The following BIRC6 variants were observed in gnomAD, a reference collection of about 807,000 sequenced individuals.
BIRC6 encodes the protein dual E2 ubiquitin-conjugating enzyme/E3 ubiquitin-protein ligase BIRC6.
BIRC6 carries 98 observed loss-of-function variants against 503.3 expected under a neutral mutation model. The ratio of observed to expected loss-of-function variants is 0.19; its 90% CI spans 0.17 to 0.23. The LOEUF (loss-of-function observed/expected upper bound fraction) is 0.23. Among genes scored for constraint, BIRC6 ranks in the 10% least tolerant of loss-of-function variants. The pLI, the probability that BIRC6 is intolerant of heterozygous loss-of-function variation, is 1.00. For missense variants in BIRC6, 5,360 were observed against 5,806.0 expected (o/e 0.92, Z 2.50); for synonymous variants, 2,240 against 2,078.7 (o/e 1.08, Z -2.11).
intron 57 of BIRC6, chr2:32,522,201 G>C (rs961135943): frequency 6.6e-6 from 1 of 151,750 alleles, no homozygotes; most frequent in East Asian, 1.9e-4. Context: ...GAACATAGTA[G>C]TCTGTTTGTA....
At chr2:32,455,606 G>T (rs1417497703) in intron 23 of BIRC6, among the ~76,000 whole-genome samples, 3 of 152,148 alleles carry the variant, frequency 2.0e-5, no homozygotes, top group Admixed American at 1.3e-4. Context: ...TAGCCTGGGT[G>T]ACAGAGTGAG....
intron 1 of BIRC6, among the ~76,000 whole-genome samples, chr2:32,375,071 ATATG>A (rs1174210443): frequency 6.6e-6 from 1 of 152,158 alleles, no homozygotes; most frequent in Non-Finnish European, 1.5e-5. Context: ...CCTTTTGTGT[ATATG>A]TATGTCTAAG....
At chr2:32,375,695 G>A (rs1049205353) in intron 1 of BIRC6, among the ~76,000 whole-genome samples, 6 of 150,902 alleles carry the variant, frequency 4.0e-5, no homozygotes, top group African/African-American at 2.4e-5. Context: ...TACATTTACC[G>A]TATTGATAAG....
At chr2:32,424,133 CTGTT>C (rs772976775) in intron 10 of BIRC6, among the ~76,000 whole-genome samples, 1 of 152,024 alleles carries the variant, frequency 6.6e-6, no homozygotes, top group Admixed American at 6.5e-5. Flanking sequence ...AACAAATCTT[CTGTT>C]TGTGAAATTG....
At chr2:32,608,006 T>G (rs1474038978) in intron 72 of BIRC6, among the ~76,000 whole-genome samples, 1 of 146,280 alleles carries the variant, frequency 6.8e-6, no homozygotes. Context: ...AAAAAGACAT[T>G]TTAAAATATA....
chr2:32,390,907 T>C (rs796673476), intron 4 of BIRC6, among the ~76,000 whole-genome samples: 6 of 152,350 alleles, frequency 3.9e-5, no homozygotes, highest in African/African-American at 1.4e-4. Context: ...TTGGGCAGAA[T>C]TTTTATATTC....
At chr2:32,469,660 T>C in intron 30 of BIRC6, 46 bp downstream of exon 30, 1 of 1,459,272 alleles carries the variant, frequency 6.9e-7, no homozygotes, top group Non-Finnish European at 9.4e-7. Flanking sequence ...TGATGTGTAC[T>C]TTTCACAGTT....
intron 5 of BIRC6, among the ~76,000 whole-genome samples, chr2:32,392,644 A>G (rs576925176): frequency 2.6e-4 from 39 of 152,134 alleles, no homozygotes; most frequent in Admixed American, 9.8e-4. Flanking sequence ...TGTCTTTGAG[A>G]CAGGGTCTCA....
chr2:32,612,843 C>T (rs1408929056), intron 73 of BIRC6, among the ~76,000 whole-genome samples: 1 of 152,166 alleles, frequency 6.6e-6, no homozygotes, highest in East Asian at 1.9e-4. Context: ...AAAACACTTG[C>T]AGAAAATTTC....
At chr2:32,358,344 G>T (rs1206885945) in intron 1 of BIRC6, among the ~76,000 whole-genome samples, 2 of 152,214 alleles carry the variant, frequency 1.3e-5, no homozygotes, top group Non-Finnish European at 2.9e-5. Context: ...CTTCTGGGTG[G>T]CGTAAACCTT....
intron 55 of BIRC6, 91 bp downstream of exon 55, chr2:32,515,861 G>A: frequency 8.3e-7 from 1 of 1,205,648 alleles, no homozygotes; most frequent in Non-Finnish European, 1.1e-6. Context: ...TTTAGTGAGG[G>A]TTGAGTGCCT....
chr2:32,488,039 G>A (rs1455812691), intron 41 of BIRC6, among the ~76,000 whole-genome samples: 1 of 198 alleles, frequency 5.1e-3, no homozygotes, highest in Non-Finnish European at 9.3e-3. Context: ...CATACACACA[G>A]CTGTGATTAG....
intron 32 of BIRC6, 104 bp downstream of exon 32, chr2:32,471,228 T>A: frequency 7.1e-7 from 1 of 1,411,488 alleles, no homozygotes; most frequent in Non-Finnish European, 9.6e-7. Flanking sequence ...GCTATTGGCC[T>A]GGAGCTACCA....
intron 40 of BIRC6, among the ~76,000 whole-genome samples, chr2:32,487,335 C>A (rs2051118988): frequency 6.6e-6 from 1 of 152,108 alleles, no homozygotes; most frequent in Non-Finnish European, 1.5e-5. Flanking sequence ...AGTCTTATTT[C>A]TTTCCCTTTA....
chr2:32,362,181 G>A (rs1218102868), intron 1 of BIRC6, among the ~76,000 whole-genome samples: 3 of 152,158 alleles, frequency 2.0e-5, no homozygotes, highest in East Asian at 1.9e-4. Flanking sequence ...CAGCATTTGG[G>A]GGTTTTATAT....
intron 1 of BIRC6, among the ~76,000 whole-genome samples, chr2:32,358,321 T>C (rs969103538): frequency 1.3e-5 from 2 of 152,100 alleles, no homozygotes; most frequent in African/African-American, 2.4e-5. Flanking sequence ...AGTCTCACCA[T>C]TGGAGGAGAG....
intron 57 of BIRC6, chr2:32,523,579 T>G (rs2055961316): frequency 6.6e-6 from 1 of 152,220 alleles, no homozygotes; most frequent in South Asian, 2.1e-4. Flanking sequence ...ATTTTTTACT[T>G]CACAAAACTG....
At chr2:32,533,724 C>G (rs934421344) in intron 61 of BIRC6, among the ~76,000 whole-genome samples, 11 of 152,130 alleles carry the variant, frequency 7.2e-5, no homozygotes, top group African/African-American at 2.7e-4. Flanking sequence ...ATGGAAGCAT[C>G]CAAGAGCCAT....
chr2:32,430,292 A>C (rs2043953094), intron 11 of BIRC6, among the ~76,000 whole-genome samples: 1 of 152,182 alleles, frequency 6.6e-6, no homozygotes, highest in Admixed American at 6.5e-5. Flanking sequence ...AAAGAAGCCT[A>C]ATTAGTATGA....
Sources: gnomAD v4.1 joint callset for allele counts (sites outside exome capture counted in the v4.1 genomes callset) on GRCh38, gnomAD v4.1.1 for gene constraint, MANE v1.5 for transcripts, NCBI Gene and HGNC (gene_info 2026-07-23, HGNC 2026-07-21) for gene names.